UBTD2: variants seen among roughly 807,000 people sequenced by gnomAD.
The protein encoded by UBTD2 is ubiquitin domain containing 2.
Under a neutral mutation model 19.8 loss-of-function variants are expected in UBTD2, and 9 were observed. The ratio of observed to expected loss-of-function variants is 0.46; its 90% confidence interval spans 0.27 to 0.79. The LOEUF (loss-of-function observed/expected upper bound fraction) is 0.79, where lower values mean the gene tolerates loss of function less well. Ranked by LOEUF, UBTD2 falls within the 30% of genes least tolerant of loss-of-function variation. The pLI, the probability that UBTD2 is intolerant of heterozygous loss-of-function variation, is 0.14. For synonymous variants in UBTD2, 98 were observed against 103.9 expected, an observed-to-expected ratio of 0.94 and a Z score of 0.35; for missense variants, 250 against 300.4, an observed-to-expected ratio of 0.83 and a Z score of 1.24.
chr5:172,216,259 G>A (rs935592097), intron 2 of UBTD2, among the ~76,000 whole-genome samples: 2 of 151,846 alleles, frequency 1.3e-5, no homozygotes, highest in Non-Finnish European at 2.9e-5. Flanking sequence ...ACAAAACAGA[G>A]TATCCAGAAA....
chr5:172,217,687 A>G (rs1410551411), intron 2 of UBTD2, among the ~76,000 whole-genome samples: 1 of 151,976 alleles, frequency 6.6e-6, no homozygotes, highest in Non-Finnish European at 1.5e-5. Flanking sequence ...GGGTTTTGCC[A>G]TGTTCATGTT....
At chr5:172,224,332 C>A (rs1275037819) in intron 2 of UBTD2, among the ~76,000 whole-genome samples, 1 of 144,638 alleles carries the variant, frequency 6.9e-6, no homozygotes, top group African/African-American at 2.5e-5. Context: ...CAGAATCTCA[C>A]CCTGTCGCCC....
chr5:172,281,794 T>C (rs1169094296), intron 1 of UBTD2, among the ~76,000 whole-genome samples: 1 of 152,190 alleles, frequency 6.6e-6, no homozygotes, highest in Non-Finnish European at 1.5e-5. Flanking sequence ...CCCAGTTACA[T>C]CAGGGCCCAT....
chr5:172,259,779 C>T (rs572205660), intron 1 of UBTD2, among the ~76,000 whole-genome samples: 1 of 152,054 alleles, frequency 6.6e-6, no homozygotes, highest in Admixed American at 6.6e-5. Flanking sequence ...ATGGGCCAGG[C>T]AGGATGGCTC....
intron 2 of UBTD2, among the ~76,000 whole-genome samples, chr5:172,231,398 A>G (rs1180257779): frequency 6.6e-6 from 1 of 152,216 alleles, no homozygotes; most frequent in Non-Finnish European, 1.5e-5. Context: ...CATAGAAGGC[A>G]AATAGAGGGT....
intron 1 of UBTD2, chr5:172,255,144 C>T: frequency 2.1e-6 from 1 of 466,530 alleles, no homozygotes; most frequent in Admixed American, 2.6e-5. Flanking sequence ...TGGAAGAAGG[C>T]ATGCTCAACC....
At chr5:172,269,158 G>C (rs1234470395) in intron 1 of UBTD2, among the ~76,000 whole-genome samples, 3 of 152,248 alleles carry the variant, frequency 2.0e-5, no homozygotes, top group African/African-American at 7.2e-5. Context: ...TTCTGTACTA[G>C]AGTCTTCCAA....
At chr5:172,216,132 A>C (rs1771537677) in intron 2 of UBTD2, among the ~76,000 whole-genome samples, 1 of 152,094 alleles carries the variant, frequency 6.6e-6, no homozygotes, top group Admixed American at 6.6e-5. Context: ...GCGCCACTGC[A>C]CTCCAGCCTG....
rs556328799 is a variant in UBTD2 at position 172,227,352 on chromosome 5, TAGAG to T, written c.307+6766_307+6769del. ...ACCCTGAACTATTTTTGTTTGAGGA[TAGAG>T]AGAGAAAAATGATATAACATTTATT... On this transcript the variant is annotated intron_variant, in intron 2 of 2. Coordinates refer to ENST00000393792, the MANE Select transcript of UBTD2 (RefSeq NM_152277.3). 4.0e-4 allele frequency among the ~76,000 whole-genome samples: 61 copies of T among 152,216 alleles called. No homozygotes were observed. The East Asian group carries it at 9.6e-3, about 24-fold the overall frequency.
chr5:172,219,591 A>G (rs1399628539), intron 2 of UBTD2, among the ~76,000 whole-genome samples: 1 of 152,202 alleles, frequency 6.6e-6, no homozygotes, highest in Non-Finnish European at 1.5e-5. Flanking sequence ...GGTGCTGGCA[A>G]TTTAGATATG....
At chr5:172,240,066 T>C (rs1355141030) in intron 1 of UBTD2, among the ~76,000 whole-genome samples, 1 of 152,198 alleles carries the variant, frequency 6.6e-6, no homozygotes, top group East Asian at 1.9e-4. Flanking sequence ...TCTACAGAAA[T>C]GATCCATCCA....
Position 172,264,382 on chromosome 5 carries a change from T to C in UBTD2, c.70+19214A>G, listed in dbSNP as rs533151130. On this transcript the variant is annotated intron_variant, in intron 1 of 2. Coordinates refer to ENST00000393792, the MANE Select transcript of UBTD2 (RefSeq NM_152277.3). ...GTTAATGGTGAAACCCCATCTCTAC[T>C]AAAAATACAAAAAAATAGCCAGGTG... 1.1e-4 allele frequency among the ~76,000 whole-genome samples: 17 copies of C among 151,056 alleles called. No homozygotes were observed. In the South Asian group the frequency reaches 3.4e-3, roughly 30 times the overall value.
At chr5:172,282,062 A>T (rs936515966) in intron 1 of UBTD2, among the ~76,000 whole-genome samples, 4 of 152,256 alleles carry the variant, frequency 2.6e-5, no homozygotes, top group African/African-American at 9.6e-5. Flanking sequence ...TACATTACGG[A>T]GAAGAGCAAA....
intron 1 of UBTD2, among the ~76,000 whole-genome samples, chr5:172,237,555 A>G (rs1376203861): frequency 6.6e-6 from 1 of 152,260 alleles, no homozygotes; most frequent in Admixed American, 6.5e-5. Context: ...TCTTTGTAAC[A>G]TAATTACTTT....
chr5:172,239,247 G>A (rs908237385), intron 1 of UBTD2, among the ~76,000 whole-genome samples: 3 of 152,124 alleles, frequency 2.0e-5, no homozygotes, highest in African/African-American at 4.8e-5. Flanking sequence ...TAACAAGGAT[G>A]GCTTAAAATA....
intron 1 of UBTD2, among the ~76,000 whole-genome samples, chr5:172,276,933 G>A (rs1279203405): frequency 6.6e-6 from 1 of 151,766 alleles, no homozygotes; most frequent in Non-Finnish European, 1.5e-5. Flanking sequence ...AGCCGGTGTG[G>A]AGGTGCACAC....
intron 1 of UBTD2, among the ~76,000 whole-genome samples, chr5:172,269,717 A>C (rs1755446109): frequency 6.6e-6 from 1 of 150,442 alleles, no homozygotes; most frequent in Non-Finnish European, 1.5e-5. Context: ...CTGATTCTGT[A>C]ACAAACATAT....
intron 1 of UBTD2, chr5:172,255,359 TGTAATTA>T (rs368439449): frequency 2.1e-6 from 1 of 466,880 alleles, no homozygotes; most frequent in African/African-American, 2.0e-5. Context: ...ATGGATTCCA[TGTAATTA>T]GATGAGTATG....
intron 1 of UBTD2, among the ~76,000 whole-genome samples, chr5:172,276,193 C>T (rs1358053939): frequency 6.6e-6 from 1 of 152,138 alleles, no homozygotes. Flanking sequence ...CTGTAAATTC[C>T]TTTGAGGGCA....
Sources: gnomAD v4.1 joint callset for allele counts (sites outside exome capture counted in the v4.1 genomes callset) on GRCh38, gnomAD v4.1.1 for gene constraint, MANE v1.5 for transcripts, NCBI Gene and HGNC (gene_info 2026-07-23, HGNC 2026-07-21) for gene names.